The following LRRC4C variants were observed in gnomAD, a reference collection of about 807,000 sequenced individuals.
The protein encoded by LRRC4C is leucine rich repeat containing 4C.
Under a neutral mutation model 33.6 loss-of-function variants are expected in LRRC4C, and 5 were observed. The observed-to-expected ratio is 0.15, with a 90% CI of 0.08 to 0.31. The LOEUF is 0.31. Among genes scored for constraint, LRRC4C ranks in the 10% least tolerant of loss-of-function variants. The pLI is 1.00. For synonymous variants in LRRC4C, 329 were observed against 302.0 expected, an observed-to-expected ratio of 1.09 and a Z score of -0.93; for missense variants, 560 against 796.7, an observed-to-expected ratio of 0.70 and a Z score of 3.58.
intron 3 of LRRC4C, among the ~76,000 whole-genome samples, chr11:40,635,884 C>T (rs1460664305): frequency 6.6e-6 from 1 of 152,034 alleles, no homozygotes; most frequent in Non-Finnish European, 1.5e-5. Flanking sequence ...TGTGATCCGC[C>T]TGCCTCGGCC....
chr11:40,612,390 G>A (rs1439321385), intron 3 of LRRC4C, among the ~76,000 whole-genome samples: 2 of 151,826 alleles, frequency 1.3e-5, no homozygotes, highest in African/African-American at 4.8e-5. Context: ...TGGGGATAAA[G>A]AGGTAATGAG....
intron 5 of LRRC4C, 142 bp from the exon 6 acceptor site, chr11:40,140,995 A>C (rs1857325273): frequency 6.5e-6 from 1 of 152,710 alleles, no homozygotes; most frequent in South Asian, 2.1e-4. Flanking sequence ...GTATTTTAAC[A>C]CTATCCTGGG....
At chr11:41,430,522 T>G (rs1955195385) in intron 1 of LRRC4C, among the ~76,000 whole-genome samples, 1 of 152,114 alleles carries the variant, frequency 6.6e-6, no homozygotes, top group African/African-American at 2.4e-5. Flanking sequence ...AAGGGGATTG[T>G]GGCAACATAC....
At chr11:40,649,496 A>AG (rs1942659081) in intron 2 of LRRC4C, among the ~76,000 whole-genome samples, 2 of 152,182 alleles carry the variant, frequency 1.3e-5, no homozygotes, top group Non-Finnish European at 2.9e-5. Context: ...TTGTTCCCTG[A>AG]AAATCACTGT....
intron 1 of LRRC4C, among the ~76,000 whole-genome samples, chr11:41,331,343 T>G (rs772394947): frequency 9.2e-5 from 14 of 152,182 alleles, no homozygotes; most frequent in Non-Finnish European, 1.8e-4. Flanking sequence ...AAATTTTAAT[T>G]AGTATCTACT....
At chr11:40,264,541 G>C (rs1415908017) in intron 4 of LRRC4C, among the ~76,000 whole-genome samples, 3 of 152,184 alleles carry the variant, frequency 2.0e-5, no homozygotes, top group Admixed American at 6.5e-5. Flanking sequence ...CTGTCTGTTA[G>C]ATAAAAAGGA....
chr11:41,097,962 A>C lies in LRRC4C; in HGVS notation c.-495-164239T>G, dbSNP rs555191567. Among the ~76,000 whole-genome samples, 65 of 151,990 alleles carry C rather than the reference A, an allele frequency of 4.3e-4. 1 individual carries two copies. Among genetic ancestry groups the C allele is most frequent in the African/African-American group, 1.5e-3 (63 of 41,436 alleles). On this transcript the variant is annotated intron_variant, in intron 1 of 6. Transcript: ENST00000528697. ...CCTCTCTAAACTAAACCAATATCTC[A>C]TTGCTTTCCTCCGTCTGTGTCCCTA...
At chr11:40,908,772 T>A (rs1338073166) in intron 2 of LRRC4C, among the ~76,000 whole-genome samples, 2 of 152,270 alleles carry the variant, frequency 1.3e-5, no homozygotes, top group African/African-American at 4.8e-5. Flanking sequence ...ATTTTCTAAA[T>A]AATATGCAAA....
At chr11:41,054,648 T>G (rs1858485459) in intron 1 of LRRC4C, among the ~76,000 whole-genome samples, 1 of 152,212 alleles carries the variant, frequency 6.6e-6, no homozygotes, top group Admixed American at 6.5e-5. Flanking sequence ...TATTGTAATT[T>G]GGAAAGCAAC....
chr11:41,004,441 A>G (rs2137429322), intron 1 of LRRC4C, among the ~76,000 whole-genome samples: 1 of 152,296 alleles, frequency 6.6e-6, no homozygotes, highest in South Asian at 2.1e-4. Flanking sequence ...GAGATACATG[A>G]GAAAGGGTTA....
At chr11:40,138,128 A>C (rs948100487) in intron 6 of LRRC4C, among the ~76,000 whole-genome samples, 1 of 151,774 alleles carries the variant, frequency 6.6e-6, no homozygotes, top group Non-Finnish European at 1.5e-5. Flanking sequence ...CTGTGTAGAC[A>C]TATCTTCTGC....
chr11:40,431,297 C>G (rs529295561), intron 3 of LRRC4C, among the ~76,000 whole-genome samples: 5 of 149,848 alleles, frequency 3.3e-5, no homozygotes, highest in African/African-American at 1.2e-4. Context: ...CGTGGTGGTG[C>G]GTGCCTGTAA....
chr11:41,351,681 G>A lies in LRRC4C; in HGVS notation c.-496+107750C>T, dbSNP rs375357183. Among the ~76,000 whole-genome samples, 6 of 152,248 alleles carry A rather than the reference G, an allele frequency of 3.9e-5. No homozygotes were observed. In the South Asian group the frequency reaches 6.2e-4, roughly 16 times the overall value. On this transcript the variant is annotated intron_variant, in intron 1 of 6. Transcript: ENST00000528697. ...CTTTAAAAGCCAAAAGAGATTGGGG[G>A]CCTATATTCAGCAACATGCATTAAT...
intron 1 of LRRC4C, among the ~76,000 whole-genome samples, chr11:41,204,723 C>CTTTA (rs1946531256): frequency 6.6e-6 from 1 of 151,948 alleles, no homozygotes; most frequent in Admixed American, 6.6e-5. Context: ...TTTTGCCTTT[C>CTTTA]TTTCTTTCTT....
At chr11:40,159,271 G>A (rs1407924115) in intron 5 of LRRC4C, among the ~76,000 whole-genome samples, 4 of 152,182 alleles carry the variant, frequency 2.6e-5, no homozygotes, top group African/African-American at 4.8e-5. Flanking sequence ...AATGAGCACA[G>A]AGCAGCAGGC....
chr11:40,940,600 G>A lies in LRRC4C; in HGVS notation c.-495-6877C>T, dbSNP rs114929198. On this transcript the variant is annotated intron_variant, in intron 1 of 6. Transcript: ENST00000528697. ...TATCTGCACATTCTACTTTTGATAC[G>A]TTTTTCAAACAGATATCAAATTATA... Among the ~76,000 whole-genome samples, 449 of 152,090 alleles carry A rather than the reference G, an allele frequency of 3.0e-3. 4 individuals are homozygous for A. Among genetic ancestry groups the A allele is most frequent in the African/African-American group, 9.8e-3 (405 of 41,498 alleles).
intron 2 of LRRC4C, among the ~76,000 whole-genome samples, chr11:40,691,751 T>A (rs564350710): frequency 6.6e-6 from 1 of 152,228 alleles, no homozygotes; most frequent in East Asian, 1.9e-4. Context: ...TATCAAGTAT[T>A]TTAATTCTTA....
intron 2 of LRRC4C, among the ~76,000 whole-genome samples, chr11:40,798,932 C>A (rs1371727380): frequency 6.6e-6 from 1 of 152,146 alleles, no homozygotes; most frequent in Non-Finnish European, 1.5e-5. Context: ...GCGTGAGCCA[C>A]CATGCTCTGC....
At chr11:40,173,423 C>T (rs940340243) in intron 5 of LRRC4C, among the ~76,000 whole-genome samples, 4 of 152,222 alleles carry the variant, frequency 2.6e-5, no homozygotes, top group Admixed American at 2.6e-4. Flanking sequence ...GAAATTGATG[C>T]TCAAAATATA....
Sources: allele counts gnomAD v4.1 joint callset (sites outside exome capture counted in the v4.1 genomes callset), GRCh38; gene constraint gnomAD v4.1.1; transcripts MANE v1.5; gene names NCBI Gene and HGNC (gene_info 2026-07-23, HGNC 2026-07-21).